Variants in SH3KBP1 observed in about 807,000 individuals in gnomAD.
SH3KBP1 encodes SH3 domain-containing kinase-binding protein 1.
SH3KBP1 carries 8 observed loss-of-function variants against 50.1 expected under a neutral mutation model. The observed-to-expected ratio is 0.16, with a 90% CI of 0.09 to 0.29. The LOEUF is 0.29. Ranked by LOEUF, SH3KBP1 falls within the 10% of genes least tolerant of loss-of-function variation. SH3KBP1 has a pLI of 1.00. For missense variants in SH3KBP1, 377 were observed against 535.2 expected (o/e 0.70, Z 2.92); for synonymous variants, 227 against 218.6 (o/e 1.04, Z -0.34).
At chrX:19,674,862 G>A (rs1419435027) in intron 6 of SH3KBP1, among the ~76,000 whole-genome samples, 8 of 110,957 alleles carry the variant, frequency 7.2e-5, no homozygotes, top group African/African-American at 2.3e-4. Flanking sequence ...GTGGATCACC[G>A]GAGGTCAGGA....
chrX:19,642,990 C>G (rs2061895621), intron 7 of SH3KBP1, among the ~76,000 whole-genome samples: 1 of 111,216 alleles, frequency 9.0e-6, no homozygotes, highest in Non-Finnish European at 1.9e-5. Context: ...AGGAGCTGCC[C>G]TCTTCTGCAC....
intron 2 of SH3KBP1, among the ~76,000 whole-genome samples, chrX:19,798,292 G>A (rs1196105147): frequency 9.1e-6 from 1 of 109,470 alleles, no homozygotes; most frequent in Non-Finnish European, 1.9e-5. Flanking sequence ...TCACCATGTT[G>A]CCCAGGCTGG....
At chrX:19,711,586 C>T (rs1275937731) in intron 3 of SH3KBP1, among the ~76,000 whole-genome samples, 11 of 91,711 alleles carry the variant, frequency 1.2e-4, no homozygotes, top group African/African-American at 4.1e-5. Flanking sequence ...AAGCTTCCCA[C>T]CCCACCCCCA....
intron 6 of SH3KBP1, among the ~76,000 whole-genome samples, chrX:19,675,323 G>C (rs1569411363): frequency 1.8e-5 from 2 of 110,770 alleles, no homozygotes; most frequent in South Asian, 3.8e-4. Flanking sequence ...CAAAAGCACT[G>C]AGTGGTTAAG....
intron 2 of SH3KBP1, among the ~76,000 whole-genome samples, chrX:19,817,781 C>T (rs1359951970): frequency 1.8e-5 from 2 of 111,146 alleles, no homozygotes; most frequent in Admixed American, 9.6e-5. Flanking sequence ...ATTACAGGCA[C>T]AGGCAACCAT....
intron 6 of SH3KBP1, among the ~76,000 whole-genome samples, chrX:19,667,193 G>A (rs1569402703): frequency 1.8e-5 from 2 of 112,202 alleles, no homozygotes; most frequent in African/African-American, 6.5e-5. Context: ...GGGGTCAGGG[G>A]TAGGAGGCAT....
chrX:19,575,600 G>A (rs188094008), intron 12 of SH3KBP1, among the ~76,000 whole-genome samples: 296 of 111,439 alleles, frequency 2.7e-3, no homozygotes, highest in Non-Finnish European at 3.8e-3. Context: ...AATGATCTTC[G>A]ACACAGGACC....
intron 7 of SH3KBP1, among the ~76,000 whole-genome samples, chrX:19,638,521 A>AG (rs762594297): frequency 9.0e-6 from 1 of 110,766 alleles, no homozygotes; most frequent in East Asian, 2.8e-4. Context: ...CCCCACCCCC[A>AG]GGGGTTCTGA....
At position 19,807,819 on chromosome X, in the gene SH3KBP1, G is replaced by A. The variant is rs1296858531; in HGVS notation, c.162+28306C>T. 2.7e-5 allele frequency among the ~76,000 whole-genome samples: 3 copies of A among 112,487 alleles called. No homozygotes were observed. The East Asian group carries it at 8.3e-4, about 31-fold the overall frequency. ...TCGCATTTGCATCTGGTTCTACTGA[G>A]TGTTTTGTCTCTTCAGACTGCTTTT... On this transcript the variant is annotated intron_variant, in intron 2 of 17. Coordinates refer to ENST00000397821, the MANE Select transcript of SH3KBP1 (RefSeq NM_031892.3).
intron 8 of SH3KBP1, among the ~76,000 whole-genome samples, chrX:19,614,898 C>T (rs2067559701): frequency 9.0e-6 from 1 of 111,625 alleles, no homozygotes; most frequent in African/African-American, 3.3e-5. Flanking sequence ...TAATTCCTGC[C>T]GTAGTGCCCG....
intron 13 of SH3KBP1, among the ~76,000 whole-genome samples, chrX:19,564,043 T>C (rs2065763772): frequency 9.0e-6 from 1 of 111,653 alleles, no homozygotes; most frequent in South Asian, 3.8e-4. Flanking sequence ...CCTGAGCAAT[T>C]GCTCAATGAT....
intron 5 of SH3KBP1, chrX:19,687,815 G>A (rs1427345372): frequency 2.2e-5 from 11 of 509,912 alleles, no homozygotes; most frequent in Non-Finnish European, 3.7e-5. Context: ...TGAATCTGCT[G>A]CAAGAGCTTC....
At chrX:19,548,774 G>C (rs777321283) in intron 14 of SH3KBP1, among the ~76,000 whole-genome samples, 1 of 109,539 alleles carries the variant, frequency 9.1e-6, no homozygotes, top group African/African-American at 3.4e-5. Context: ...CTGGGTAGAG[G>C]TTATAAGGAC....
At chrX:19,640,382 C>T (rs1457302207) in intron 7 of SH3KBP1, among the ~76,000 whole-genome samples, 1 of 111,522 alleles carries the variant, frequency 9.0e-6, no homozygotes, top group East Asian at 2.8e-4. Context: ...CAGTCAAGAC[C>T]TGATGCTGAC....
At chrX:19,779,584 C>A (rs1195943069) in intron 2 of SH3KBP1, among the ~76,000 whole-genome samples, 4 of 70,864 alleles carry the variant, frequency 5.6e-5, no homozygotes, top group Admixed American at 3.6e-4. Flanking sequence ...CCCCTCCCCC[C>A]ACCCCACAAC....
intron 3 of SH3KBP1, among the ~76,000 whole-genome samples, chrX:19,738,243 G>A (rs768378616): frequency 4.5e-5 from 5 of 111,067 alleles, no homozygotes; most frequent in Non-Finnish European, 7.5e-5. Context: ...GAAATTTGAC[G>A]AGAGAGGCAA....
chrX:19,685,266 G>A (rs2063139079), intron 5 of SH3KBP1, among the ~76,000 whole-genome samples: 1 of 112,382 alleles, frequency 8.9e-6, no homozygotes, highest in African/African-American at 3.2e-5. Flanking sequence ...CTCATAAAAT[G>A]TGGAAGTCAT....
At chrX:19,637,399 G>C (rs1177404121) in intron 7 of SH3KBP1, among the ~76,000 whole-genome samples, 2 of 112,300 alleles carry the variant, frequency 1.8e-5, no homozygotes, top group Non-Finnish European at 3.8e-5. Flanking sequence ...TGCTCGAGGA[G>C]CTCAAGTAGC....
chrX:19,773,070 C>A (rs2065839068), intron 2 of SH3KBP1, among the ~76,000 whole-genome samples: 7 of 111,197 alleles, frequency 6.3e-5, no homozygotes, highest in Admixed American at 5.7e-4. Flanking sequence ...CACTGATGCA[C>A]AAGCATAGAG....
Sources: allele counts gnomAD v4.1 joint callset (sites outside exome capture counted in the v4.1 genomes callset), GRCh38; gene constraint gnomAD v4.1.1; transcripts MANE v1.5; gene names NCBI Gene and HGNC (gene_info 2026-07-23, HGNC 2026-07-21).